The following ABCC3 variants were observed in gnomAD, a reference collection of about 807,000 sequenced individuals.
ABCC3 encodes ATP-binding cassette sub-family C member 3.
A neutral mutation model predicts 165.3 loss-of-function variants in ABCC3; 121 were observed. The observed-to-expected ratio is 0.73, with a 90% confidence interval of 0.63 to 0.85. The LOEUF (loss-of-function observed/expected upper bound fraction) is 0.85, where lower values mean the gene tolerates loss of function less well. Ranked by LOEUF, ABCC3 falls within the 40% of genes least tolerant of loss-of-function variation. ABCC3 has a pLI of 0.00. For synonymous variants in ABCC3, 733 were observed against 810.1 expected (o/e 0.90, Z 1.62); for missense variants, 1,869 against 1,964.1 (o/e 0.95, Z 0.92).
chr17:50,639,698 G>A (rs2054210046), intron 1 of ABCC3, among the ~76,000 whole-genome samples: 1 of 152,102 alleles, frequency 6.6e-6, no homozygotes, highest in African/African-American at 2.4e-5. Context: ...TGCAGTGGTT[G>A]GGGCTGGCAG....
rs182137402 is a variant in ABCC3, at chr17:50,684,737, G to T, written c.4142G>T (p.Arg1381Leu). ...QDPILFSGTLRMNLDPFGSYS... is the reference protein window; with the variant it reads ...QDPILFSGTLLMNLDPFGSYS... The stretch of plus-strand genomic sequence containing the variant: ...CCCATCCTGTTCTCGGGGACCCTGC[G>T]CATGAACCTGGACCCCTTCGGCAGC... Residue 1381 changes from arginine to leucine, a missense_variant, in exon 29 of 31, where the codon CGC becomes CTC. Transcript: ENST00000285238. 4 of 1,614,094 alleles carry T rather than the reference G, an allele frequency of 2.5e-6. No homozygotes were observed. The highest frequency in any genetic ancestry group is 1.3e-5 in the African/African-American group (1 of 75,020).
chr17:50,646,235 G>A (rs1966999629), intron 1 of ABCC3, among the ~76,000 whole-genome samples: 1 of 152,150 alleles, frequency 6.6e-6, no homozygotes, highest in Non-Finnish European at 1.5e-5. Context: ...AGTGTTCCAG[G>A]AAGAGAGAAG....
In ABCC3 at chr17:50,667,845, C is replaced by G. The variant is rs756000924; in HGVS notation, c.1636-18C>G. On this transcript the variant is annotated intron_variant, in intron 12 of 30. Transcript: ENST00000285238. ...GGCTCATTGGACTCTACCCTGACAC[C>G]ACCTCCACGCTGCTCAGGTGACCCT... 6 of 1,613,656 alleles carry G rather than the reference C, an allele frequency of 3.7e-6. No homozygotes were observed. The highest frequency in any genetic ancestry group is 5.1e-6 in the Non-Finnish European group (6 of 1,179,822).
At chr17:50,655,727 A>C in intron 1 of ABCC3, 105 bp from the exon 2 acceptor site, 1 of 1,049,452 alleles carries the variant, frequency 9.5e-7, no homozygotes, top group South Asian at 1.6e-5. Context: ...CTTCCACTCC[A>C]CCCCTGTCTC....
Position 50,667,681 on chromosome 17 carries a change from G to A in ABCC3, c.1559G>A (p.Gly520Asp). Reference sequence around the variant, plus strand: ...AAGCAGGTGGAGGGCATCAGGCAGGGTGAGCTCCAGCTGCTGCGCACGGCG... The same window carrying A: ...AAGCAGGTGGAGGGCATCAGGCAGGATGAGCTCCAGCTGCTGCGCACGGCG... The part of the protein sequence containing the change: ...FLKQVEGIRQ[G>D]ELQLLRTAAY... The change falls in exon 12 of 31, where the codon GGT becomes GAT. Residue 520 changes from glycine to aspartate, a missense_variant. Transcript: ENST00000285238. 6.2e-7 allele frequency: 1 copy of A among 1,614,176 alleles called. No homozygotes were observed. The highest frequency in any genetic ancestry group is 8.5e-7 in the Non-Finnish European group (1 of 1,180,032).
chr17:50,639,868 A>G (rs2054212371), intron 1 of ABCC3, among the ~76,000 whole-genome samples: 1 of 151,892 alleles, frequency 6.6e-6, no homozygotes, highest in Admixed American at 6.6e-5. Flanking sequence ...GGTTCAAGCA[A>G]TCCTCCTGCC....
At chr17:50,651,818 T>C (rs1967121224) in intron 1 of ABCC3, among the ~76,000 whole-genome samples, 1 of 152,238 alleles carries the variant, frequency 6.6e-6, no homozygotes, top group Admixed American at 6.5e-5. Flanking sequence ...TCAACACTTA[T>C]GCTTGGATTG....
chr17:50,671,702 C>CTTTTTTTTTTTTTTTTTT (rs386386244), intron 17 of ABCC3, among the ~76,000 whole-genome samples: 1 of 56,372 alleles, frequency 1.8e-5, no homozygotes, highest in African/African-American at 5.7e-5. Flanking sequence ...TCCTTCCTTC[C>CTTTTTTTTTTTTTTTTTT]TTTTTTTTTT....
chr17:50,655,985 T>C lies in ABCC3; in HGVS notation c.199T>C (p.Ser67Pro). Reference sequence around the variant, plus strand: ...CCATTGTCGTGGCTACATCATCCTCTCCCACCTGTCCAAGCTCAAGATGGT... The same window carrying C: ...CCATTGTCGTGGCTACATCATCCTCCCCCACCTGTCCAAGCTCAAGATGGT... ...RHHCRGYIIL[S>P]HLSKLKMVLG... The change falls in exon 2 of 31, where the codon TCC (serine) becomes CCC (proline). Residue 67 changes from serine to proline, a missense_variant. Coordinates refer to ENST00000285238, the MANE Select transcript of ABCC3 (RefSeq NM_003786.4). 1.2e-6 allele frequency: 2 copies of C among 1,614,004 alleles called. No homozygotes were observed. Among genetic ancestry groups the C allele is most frequent in the Non-Finnish European group, 1.7e-6 (2 of 1,179,960 alleles).
In ABCC3 at chr17:50,692,155, CGAGAGGCCACCTCCTGCCCAGA is replaced by C. The variant is rs1968134789; in HGVS notation, c.*960_*981del. 1 of 152,230 alleles carries C rather than the reference CGAGAGGCCACCTCCTGCCCAGA, an allele frequency of 6.6e-6. No homozygotes were observed. Among genetic ancestry groups the C allele is most frequent in the African/African-American group, 2.4e-5 (1 of 41,430 alleles). The allele number at this position is 152,230 out of a possible 1,614,324, so 9.4% of individuals were successfully genotyped here. On this transcript the variant is annotated 3_prime_UTR_variant, in exon 31 of 31. Transcript: ENST00000285238. ...GCTGAATGTGTGAGCACAAAGAAGC[CGAGAGGCCACCTCCTGCCCAGA>C]GAGAAGCCACCCACACTCCCAGGTT...
rs2054163545 is a variant in ABCC3, at chr17:50,634,914, C to T, written c.-23C>T. On this transcript the variant is annotated 5_prime_UTR_variant, in exon 1 of 31. Transcript: ENST00000285238. Reference sequence around the variant, plus strand: ...CGCTGGGTCCGACCGCGCTCGCCTTCCTTGCAGCCGCGCCTCGGCCCCATG... The same window carrying T: ...CGCTGGGTCCGACCGCGCTCGCCTTTCTTGCAGCCGCGCCTCGGCCCCATG... The T allele has an allele frequency of 3.2e-6, 4 of 1,253,882 alleles. No individual in the cohort carries two copies. In the East Asian group the frequency reaches 1.3e-4, roughly 40 times the overall value. The allele number at this position is 1,253,882 out of a possible 1,614,324, so 77.7% of individuals were successfully genotyped here.
chr17:50,685,448 A>G (rs1433586050), intron 29 of ABCC3, among the ~76,000 whole-genome samples: 1 of 152,242 alleles, frequency 6.6e-6, no homozygotes, highest in South Asian at 2.1e-4. Flanking sequence ...CCAATAAAAA[A>G]CAAAGCAAGT....
At chr17:50,681,190 A>G (rs1003592844) in intron 26 of ABCC3, among the ~76,000 whole-genome samples, 1 of 152,118 alleles carries the variant, frequency 6.6e-6, no homozygotes, top group Admixed American at 6.5e-5. Context: ...TCACGTTCAG[A>G]AAGAATTCTG....
rs143239858 is a variant in ABCC3, at chr17:50,649,090, C to T, written c.46-6742C>T. On this transcript the variant is annotated intron_variant, in intron 1 of 30. Transcript: ENST00000285238. ...TCGTACTACCACACTCCAGCCTGGGCGACAGAGGGAGACTCCATCTCAAAA... is the reference window on the plus strand; with the variant it reads ...TCGTACTACCACACTCCAGCCTGGGTGACAGAGGGAGACTCCATCTCAAAA... 5.5e-3 allele frequency among the ~76,000 whole-genome samples: 793 copies of T among 143,848 alleles called. 2 individuals are homozygous for T. Among genetic ancestry groups the T allele is most frequent in the Non-Finnish European group, 8.9e-3 (592 of 66,748 alleles). 94.4% of individuals were successfully genotyped at this position (143,848 alleles called of 152,430 possible).
intron 19 of ABCC3, among the ~76,000 whole-genome samples, chr17:50,673,900 T>TTTTCTTTCTTCC (rs1967705837): frequency 1.4e-4 from 19 of 131,514 alleles, no homozygotes; most frequent in African/African-American, 4.8e-4. Flanking sequence ...TCAGAGCCTG[T>TTTTCTTTCTTCC]TTTCTTTCTT....
intron 30 of ABCC3, among the ~76,000 whole-genome samples, chr17:50,689,171 C>G (rs965189422): frequency 1.3e-5 from 2 of 152,156 alleles, no homozygotes; most frequent in South Asian, 2.1e-4. Flanking sequence ...GGGTGCAGAG[C>G]GAGACTCTGC....
At chr17:50,644,240 G>C (rs1303025182) in intron 1 of ABCC3, among the ~76,000 whole-genome samples, 1 of 147,754 alleles carries the variant, frequency 6.8e-6, no homozygotes, top group Non-Finnish European at 1.5e-5. Context: ...GAACCCGGGA[G>C]GTGGAGGTTG....
chr17:50,659,029 G>A (rs181634298), intron 6 of ABCC3, among the ~76,000 whole-genome samples: 1 of 152,174 alleles, frequency 6.6e-6, no homozygotes, highest in Non-Finnish European at 1.5e-5. Flanking sequence ...GGAGGAGAAG[G>A]GGGTAGTGGT....
At chr17:50,675,514 T>G (rs1458413886) in intron 20 of ABCC3, 38 bp downstream of exon 20, 1 of 1,599,668 alleles carries the variant, frequency 6.3e-7, no homozygotes, top group Non-Finnish European at 8.5e-7. Flanking sequence ...CCGGAGGCTG[T>G]ATCAGGCCTC....
Sources: gnomAD v4.1 joint callset for allele counts (sites outside exome capture counted in the v4.1 genomes callset) on GRCh38, gnomAD v4.1.1 for gene constraint, MANE v1.5 for transcripts, NCBI Gene and HGNC (gene_info 2026-07-23, HGNC 2026-07-21) for gene names.